The following MYO6 variants were observed in gnomAD, a reference collection of about 807,000 sequenced individuals.
The protein encoded by MYO6 is myosin VI.
In MYO6, 74 loss-of-function variants were observed where a neutral mutation model predicts 178.7. The observed-to-expected ratio is 0.41, with a 90% confidence interval of 0.34 to 0.50. MYO6 has a LOEUF of 0.50. MYO6 is among the 20% of genes least tolerant of loss of function. The probability of loss-of-function intolerance (pLI) is 0.09; values close to 1 mark genes in which losing one functional copy is unlikely to be tolerated. For synonymous variants in MYO6, 477 were observed against 504.6 expected (o/e 0.95, Z 0.73); for missense variants, 1,330 against 1,547.4 (o/e 0.86, Z 2.36).
chr6:75,851,616 G>A (rs1353855719), intron 11 of MYO6, among the ~76,000 whole-genome samples: 1 of 150,614 alleles, frequency 6.6e-6, no homozygotes, highest in East Asian at 1.9e-4. Context: ...CAGCCTGGGC[G>A]ACATAGTGAG....
chr6:75,766,363 C>T (rs1778418389), intron 1 of MYO6, among the ~76,000 whole-genome samples: 2 of 151,618 alleles, frequency 1.3e-5, no homozygotes, highest in Admixed American at 1.3e-4. Flanking sequence ...GACAGTGTAA[C>T]CTACACATAT....
chr6:75,769,317 T>G (rs1778711882), intron 1 of MYO6, among the ~76,000 whole-genome samples: 1 of 152,170 alleles, frequency 6.6e-6, no homozygotes, highest in African/African-American at 2.4e-5. Context: ...GTCCTAAGTC[T>G]CATCTGAGAC....
intron 1 of MYO6, among the ~76,000 whole-genome samples, chr6:75,790,658 C>T (rs781530724): frequency 5.9e-5 from 9 of 152,118 alleles, no homozygotes; most frequent in African/African-American, 9.7e-5. Flanking sequence ...GGATTACAGG[C>T]GTAAGCCACT....
At chr6:75,903,761 C>T (rs1484674212) in intron 30 of MYO6, among the ~76,000 whole-genome samples, 2 of 151,488 alleles carry the variant, frequency 1.3e-5, no homozygotes, top group Non-Finnish European at 2.9e-5. Flanking sequence ...TGAATTTGAT[C>T]CTGTCATTAT....
chr6:75,816,276 T>G (rs1410688244), intron 1 of MYO6, among the ~76,000 whole-genome samples: 2 of 152,234 alleles, frequency 1.3e-5, no homozygotes, highest in African/African-American at 4.8e-5. Flanking sequence ...GTCACTTATA[T>G]GAAGTTCAGG....
chr6:75,863,998 G>A (rs1321333199), intron 16 of MYO6, among the ~76,000 whole-genome samples: 1 of 152,102 alleles, frequency 6.6e-6, no homozygotes, highest in African/African-American at 2.4e-5. Context: ...CAGACAATGT[G>A]CTAGCCACAC....
intron 7 of MYO6, among the ~76,000 whole-genome samples, chr6:75,838,379 A>C (rs1268753037): frequency 6.6e-6 from 1 of 152,124 alleles, no homozygotes; most frequent in Non-Finnish European, 1.5e-5. Flanking sequence ...AATGGAGAAT[A>C]GTAAATGTAA....
In MYO6 at chr6:75,914,859, C is replaced by T; in HGVS notation, c.3705C>T (p.Gly1235=). 1 of 1,614,088 alleles carries T rather than the reference C, an allele frequency of 6.2e-7. No individual in the cohort carries two copies. The highest frequency in any genetic ancestry group is 1.1e-5 in the South Asian group (1 of 91,074). ...GTGAGCTGAATCTTGAGGAGACTGG[C>T]CTGACTCGGAAGCGTGGTGCTGAGA... The part of the protein sequence containing the change: ...EMCELNLEET[G]LTRKRGAEIL... Residue 1235 remains glycine (G), a synonymous_variant, in exon 35 of 35, where the codon GGC becomes GGT. Coordinates refer to ENST00000369977, the MANE Select transcript of MYO6 (RefSeq NM_004999.4).
chr6:75,913,482 T>C (rs867887535), intron 33 of MYO6, among the ~76,000 whole-genome samples: 31 of 152,304 alleles, frequency 2.0e-4, no homozygotes, highest in African/African-American at 6.7e-4. Context: ...TTTTGTCATA[T>C]GGTTGTCTAA....
chr6:75,807,208 C>T (rs1770191890), intron 1 of MYO6, among the ~76,000 whole-genome samples: 1 of 152,124 alleles, frequency 6.6e-6, no homozygotes. Context: ...ATTAATGATC[C>T]TTAGAAGGAC....
intron 2 of MYO6, 57 bp downstream of exon 2, chr6:75,817,721 T>G: frequency 7.0e-7 from 1 of 1,436,138 alleles, no homozygotes; most frequent in African/African-American, 1.4e-5. Flanking sequence ...GGTGTTTTTT[T>G]TCACAAGAGT....
chr6:75,851,213 TGAA>T (rs896113695), intron 11 of MYO6, among the ~76,000 whole-genome samples: 4 of 152,204 alleles, frequency 2.6e-5, no homozygotes, highest in African/African-American at 9.6e-5. Flanking sequence ...TCAAGTTATT[TGAA>T]GAGTATGAAA....
chr6:75,752,717 T>C (rs1030524434), intron 1 of MYO6, among the ~76,000 whole-genome samples: 5 of 152,224 alleles, frequency 3.3e-5, no homozygotes, highest in Admixed American at 2.6e-4. Flanking sequence ...TGTGTTTGTG[T>C]CTTCATTCTC....
rs561418468 is a variant in MYO6 at position 75,866,318 on chromosome 6, A to G, written c.1675-208A>G. Reference sequence around the variant, plus strand: ...GTGTGTGTGTGTGTGTCTTACACCTATTTTCTTTCCTAAGAGATTATACCA... The same window carrying G: ...GTGTGTGTGTGTGTGTCTTACACCTGTTTTCTTTCCTAAGAGATTATACCA... On this transcript the variant is annotated intron_variant, in intron 16 of 34. Transcript: ENST00000369977. 8.5e-5 allele frequency among the ~76,000 whole-genome samples: 10 copies of G among 117,550 alleles called. No individual in the cohort carries two copies. In the South Asian group the frequency reaches 2.7e-3, roughly 32 times the overall value. The allele number at this position is 117,550 out of a possible 152,430, so 77.1% of individuals were successfully genotyped here.
chr6:75,817,821 G>C (rs1771438474), intron 2 of MYO6, among the ~76,000 whole-genome samples, 157 bp downstream of exon 2: 1 of 152,196 alleles, frequency 6.6e-6, no homozygotes. Context: ...GATTAAATCA[G>C]AGGTATGTGC....
intron 2 of MYO6, among the ~76,000 whole-genome samples, 190 bp downstream of exon 2, chr6:75,817,854 A>T (rs1031877728): frequency 6.6e-6 from 1 of 152,212 alleles, no homozygotes. Flanking sequence ...ATGGTGCCCT[A>T]TGATAAAATC....
At position 75,801,347 on chromosome 6, in the gene MYO6, GGAGGA is replaced by G. The variant is rs573168066; in HGVS notation, c.-47-16142_-47-16138del. Among the ~76,000 whole-genome samples, 683 of 151,904 alleles carry G rather than the reference GGAGGA, an allele frequency of 4.5e-3. 10 individuals carry two copies. Among genetic ancestry groups the G allele is most frequent in the African/African-American group, 0.016 (661 of 41,450 alleles). On this transcript the variant is annotated intron_variant, in intron 1 of 34. Transcript: ENST00000369977. ...AGGGACGAGAGGAGAGGAGGAGGAGGGAGGAGAGGAGAGGAGGGGTGGTTGTTCTT... is the reference window on the plus strand; with the variant it reads ...AGGGACGAGAGGAGAGGAGGAGGAGGGAGGAGAGGAGGGGTGGTTGTTCTT...
At position 75,918,673 on chromosome 6, in the gene MYO6, GC is replaced by G. The variant is rs1781261792; in HGVS notation, c.*3662del. On this transcript the variant is annotated 3_prime_UTR_variant, in exon 35 of 35. Coordinates refer to ENST00000369977, the MANE Select transcript of MYO6 (RefSeq NM_004999.4). Reference sequence around the variant, plus strand: ...CTGCTGGGAGCACTTCTCTGAGTACGCTTTAGTTCAATTCAAATCACTGTAT... The same window carrying G: ...CTGCTGGGAGCACTTCTCTGAGTACGTTTAGTTCAATTCAAATCACTGTAT... The G allele has an allele frequency of 6.6e-6, 1 of 152,182 alleles. No individual in the cohort carries two copies. The highest frequency in any genetic ancestry group is 2.4e-5 in the African/African-American group (1 of 41,436). 9.4% of individuals were successfully genotyped at this position (152,182 alleles called of 1,614,324 possible).
At chr6:75,833,240 GC>G (rs1773305978) in intron 6 of MYO6, among the ~76,000 whole-genome samples, 1 of 152,176 alleles carries the variant, frequency 6.6e-6, no homozygotes, top group Non-Finnish European at 1.5e-5. Flanking sequence ...CAACCCTCCT[GC>G]CTTGGCCTCC....
Sources: gnomAD v4.1 joint callset for allele counts (sites outside exome capture counted in the v4.1 genomes callset) on GRCh38, gnomAD v4.1.1 for gene constraint, MANE v1.5 for transcripts, NCBI Gene and HGNC (gene_info 2026-07-23, HGNC 2026-07-21) for gene names.